TAB3: variants seen among roughly 807,000 people sequenced by gnomAD.
TAB3 encodes the protein TGF-beta activated kinase 1 (MAP3K7) binding protein 3, also known as TGF-beta-activated kinase 1 and MAP3K7-binding protein 3.
TAB3 carries 18 observed loss-of-function variants against 48.1 expected under a neutral mutation model. The ratio of observed to expected loss-of-function variants is 0.37; its 90% confidence interval spans 0.26 to 0.55. TAB3 has a LOEUF of 0.55. TAB3 is among the 20% of genes least tolerant of loss of function. TAB3 has a pLI of 0.78. For missense variants in TAB3, 414 were observed against 549.8 expected, an observed-to-expected ratio of 0.75 and a Z score of 2.47; for synonymous variants, 185 against 190.2, an observed-to-expected ratio of 0.97 and a Z score of 0.22.
intron 1 of TAB3, among the ~76,000 whole-genome samples, chrX:30,873,548 C>T (rs1429188915): frequency 9.5e-6 from 1 of 105,614 alleles, no homozygotes; most frequent in East Asian, 3.0e-4. Context: ...AAAAAAGTTA[C>T]ATCAAGTGTG....
In TAB3 at chrX:30,883,718, C is replaced by T. The variant is rs151005631; in HGVS notation, c.-383+5396G>A. ...ATAATCTTTCAGTACTTGATGTACT[C>T]AGTGCATGTTCCTGCTGAGACACTG... On this transcript the variant is annotated intron_variant, in intron 1 of 10. Transcript: ENST00000288422. Among the ~76,000 whole-genome samples, 826 of 112,099 alleles carry T rather than the reference C, an allele frequency of 7.4e-3. 11 individuals are homozygous for T. Among genetic ancestry groups the T allele is most frequent in the African/African-American group, 0.026 (791 of 30,823 alleles).
chrX:30,842,094 AT>A (rs1181735092), intron 9 of TAB3, among the ~76,000 whole-genome samples: 1 of 113,006 alleles, frequency 8.8e-6, no homozygotes, highest in Non-Finnish European at 1.9e-5. Flanking sequence ...TTCAATTAAA[AT>A]TAATTTTTTA....
intron 2 of TAB3, among the ~76,000 whole-genome samples, chrX:30,869,075 T>G (rs1939591276): frequency 9.1e-6 from 1 of 110,074 alleles, no homozygotes. Flanking sequence ...TTTTTTTTTT[T>G]TTTGAGATGG....
At chrX:30,870,401 T>C (rs1411488654) in intron 2 of TAB3, among the ~76,000 whole-genome samples, 1 of 112,202 alleles carries the variant, frequency 8.9e-6, no homozygotes, top group African/African-American at 3.2e-5. Context: ...TTCTAACCCA[T>C]TGCCCACTCA....
Sources: allele counts gnomAD v4.1 joint callset (sites outside exome capture counted in the v4.1 genomes callset), GRCh38; gene constraint gnomAD v4.1.1; transcripts MANE v1.5; gene names NCBI Gene and HGNC (gene_info 2026-07-23, HGNC 2026-07-21).